MKRN1: variants seen among roughly 807,000 people sequenced by gnomAD.
MKRN1 encodes the protein makorin ring finger protein 1, also known as E3 ubiquitin-protein ligase makorin-1.
Under a neutral mutation model 55.5 loss-of-function variants are expected in MKRN1, and 9 were observed. The observed-to-expected ratio is 0.16, with a 90% confidence interval of 0.10 to 0.28. The LOEUF (loss-of-function observed/expected upper bound fraction) is 0.28. Among genes scored for constraint, MKRN1 ranks in the 10% least tolerant of loss-of-function variants. The pLI, the probability that MKRN1 is intolerant of heterozygous loss-of-function variation, is 1.00. For missense variants in MKRN1, 488 were observed against 626.7 expected, an observed-to-expected ratio of 0.78 and a Z score of 2.36; for synonymous variants, 253 against 235.9, an observed-to-expected ratio of 1.07 and a Z score of -0.66.
chr7:140,466,615 T>C (rs1046441217), intron 2 of MKRN1, among the ~76,000 whole-genome samples: 2 of 150,466 alleles, frequency 1.3e-5, no homozygotes, highest in African/African-American at 2.4e-5. Context: ...CCATCCTGGC[T>C]AACAAGGTGA....
intron 2 of MKRN1, among the ~76,000 whole-genome samples, chr7:140,470,207 A>G (rs1794885359): frequency 6.8e-6 from 1 of 146,614 alleles, no homozygotes; most frequent in South Asian, 2.2e-4. Flanking sequence ...GGTGACCAGC[A>G]AAACTCCGTC....
chr7:140,478,931 AGGCCTCCGCG>A (rs1563100089), intron 1 of MKRN1: 24 of 398,600 alleles, frequency 6.0e-5, no homozygotes, highest in African/African-American at 4.8e-4. Flanking sequence ...GCGCACCGCC[AGGCCTCCGCG>A]GACAGCGCTG....
chr7:140,474,753 C>T (rs1262981724), intron 1 of MKRN1, among the ~76,000 whole-genome samples: 9 of 148,006 alleles, frequency 6.1e-5, no homozygotes, highest in Non-Finnish European at 8.9e-5. Flanking sequence ...AAATCTCACT[C>T]TGTCACCCAG....
At chr7:140,470,211 C>A (rs1193594843) in intron 2 of MKRN1, among the ~76,000 whole-genome samples, 1 of 143,264 alleles carries the variant, frequency 7.0e-6, no homozygotes, top group Admixed American at 6.9e-5. Flanking sequence ...ACCAGCAAAA[C>A]TCCGTCTTGA....
intron 2 of MKRN1, among the ~76,000 whole-genome samples, chr7:140,467,102 A>G (rs911989778): frequency 4.6e-5 from 7 of 150,920 alleles, no homozygotes; most frequent in Non-Finnish European, 1.0e-4. Context: ...CTCAGCTTCC[A>G]GAGTAGCTAG....
At chr7:140,477,482 G>A in intron 1 of MKRN1, among the ~76,000 whole-genome samples, 2 of 152,160 alleles carry the variant, frequency 1.3e-5, no homozygotes, top group East Asian at 3.9e-4. Context: ...CACCACGCCC[G>A]GCTAATGTTT....
intron 2 of MKRN1, among the ~76,000 whole-genome samples, chr7:140,464,451 C>T (rs989709370): frequency 3.2e-4 from 48 of 151,880 alleles, no homozygotes; most frequent in African/African-American, 1.1e-3. Context: ...CACCTGTAAT[C>T]CCAGCACTTT....
chr7:140,467,450 G>C (rs187090120), intron 2 of MKRN1, among the ~76,000 whole-genome samples: 65 of 151,922 alleles, frequency 4.3e-4, no homozygotes, highest in Non-Finnish European at 8.1e-4. Context: ...GCTAATTTTT[G>C]TATTTTCAGT....
chr7:140,466,896 A>G (rs1425900350), intron 2 of MKRN1, among the ~76,000 whole-genome samples: 1 of 151,946 alleles, frequency 6.6e-6, no homozygotes, highest in Non-Finnish European at 1.5e-5. Flanking sequence ...ACTGCACTCT[A>G]ACCTGGGCAA....
At chr7:140,462,280 T>C (rs1487846091) in intron 2 of MKRN1, among the ~76,000 whole-genome samples, 1 of 152,152 alleles carries the variant, frequency 6.6e-6, no homozygotes, top group Admixed American at 6.6e-5. Flanking sequence ...CCTCCTGCCT[T>C]AGCCTCCCAA....
chr7:140,458,897 G>A, intron 4 of MKRN1, 110 bp downstream of exon 4: 2 of 1,187,928 alleles, frequency 1.7e-6, no homozygotes, highest in East Asian at 5.1e-5. Context: ...CCTACTCACT[G>A]ATAACCATTC....
At chr7:140,468,469 G>A (rs1794831930) in intron 2 of MKRN1, among the ~76,000 whole-genome samples, 1 of 150,606 alleles carries the variant, frequency 6.6e-6, no homozygotes, top group Non-Finnish European at 1.5e-5. Flanking sequence ...GGGAGGCCGA[G>A]GCAGGTGGAT....
intron 2 of MKRN1, among the ~76,000 whole-genome samples, chr7:140,464,528 C>A (rs1794716864): frequency 6.6e-6 from 1 of 152,048 alleles, no homozygotes; most frequent in African/African-American, 2.4e-5. Context: ...CATGGAGAAA[C>A]CCCGTGTCTA....
intron 2 of MKRN1, among the ~76,000 whole-genome samples, chr7:140,464,478 C>A (rs937769443): frequency 2.6e-5 from 4 of 151,902 alleles, no homozygotes; most frequent in Non-Finnish European, 5.9e-5. Context: ...CCGAGGTGGG[C>A]GATCACCTGA....
rs372241410 is a variant in MKRN1, at chr7:140,456,798, C to T, written c.840G>A (p.Val280=). 7.4e-6 allele frequency: 12 copies of T among 1,614,036 alleles called. No individual in the cohort carries two copies. The highest frequency in any genetic ancestry group is 1.7e-4 in the Middle Eastern group (1 of 6,058). The part of the protein sequence containing the change: ...SFAVQRSKDM[V]CGICMEVVYE... Reference sequence around the variant, plus strand: ...AGACCACCTCCATGCAGATCCCACACACCATGTCCTTGCTGCGCTGCACGG... The same window carrying T: ...AGACCACCTCCATGCAGATCCCACATACCATGTCCTTGCTGCGCTGCACGG... Residue 280 remains valine, a synonymous_variant, in exon 5 of 8, where the codon GTG becomes GTA. Coordinates refer to ENST00000255977, the MANE Select transcript of MKRN1 (RefSeq NM_013446.4).
intron 1 of MKRN1, chr7:140,474,460 T>C: frequency 2.9e-6 from 1 of 343,360 alleles, no homozygotes; most frequent in Non-Finnish European, 6.0e-6. Context: ...GAGGTTGCAG[T>C]GAACCAGGAT....
At chr7:140,477,098 CA>C (rs35476052) in intron 1 of MKRN1, among the ~76,000 whole-genome samples, 2,052 of 83,506 alleles carry the variant, frequency 0.025, 26 homozygotes, top group African/African-American at 0.046. Context: ...AACTCTGTCT[CA>C]AAAAAAAAAA....
At chr7:140,466,782 G>A (rs1249478319) in intron 2 of MKRN1, among the ~76,000 whole-genome samples, 1 of 142,924 alleles carries the variant, frequency 7.0e-6, no homozygotes, top group Non-Finnish European at 1.5e-5. Context: ...CCGCCGTCCG[G>A]CCTGGGCGAC....
At chr7:140,464,446 G>A (rs1563091445) in intron 2 of MKRN1, among the ~76,000 whole-genome samples, 1 of 151,408 alleles carries the variant, frequency 6.6e-6, no homozygotes, top group African/African-American at 2.4e-5. Context: ...GCTCACACCT[G>A]TAATCCCAGC....
Sources: allele counts gnomAD v4.1 joint callset (sites outside exome capture counted in the v4.1 genomes callset), GRCh38; gene constraint gnomAD v4.1.1; transcripts MANE v1.5; gene names NCBI Gene and HGNC (gene_info 2026-07-23, HGNC 2026-07-21).